Variants in FHIT observed in about 807,000 individuals in gnomAD.
FHIT encodes bis(5'-adenosyl)-triphosphatase.
In FHIT, 19 loss-of-function variants were observed where a neutral mutation model predicts 17.9. The observed-to-expected ratio is 1.06, with a 90% CI of 0.74 to 1.56. FHIT has a LOEUF of 1.56. Ranked by LOEUF, FHIT falls within the 40% of genes most tolerant of loss-of-function variation. The pLI is 0.00. For missense variants in FHIT, 248 were observed against 189.2 expected (o/e 1.31, Z -1.82); for synonymous variants, 81 against 69.7 (o/e 1.16, Z -0.81).
chr3:61,206,541 G>A (rs1295424201), intron 1 of FHIT, among the ~76,000 whole-genome samples: 1 of 152,136 alleles, frequency 6.6e-6, no homozygotes, highest in Non-Finnish European at 1.5e-5. Context: ...CCCCTCCCTT[G>A]TAAGATGGAT....
chr3:60,842,398 C>A (rs1702751553), intron 3 of FHIT, among the ~76,000 whole-genome samples: 1 of 151,412 alleles, frequency 6.6e-6, no homozygotes, highest in Non-Finnish European at 1.5e-5. Flanking sequence ...GCCCAAATGA[C>A]ACCCTAAAAC....
intron 3 of FHIT, among the ~76,000 whole-genome samples, chr3:60,994,040 A>T (rs2030471617): frequency 6.6e-6 from 1 of 152,242 alleles, no homozygotes; most frequent in Admixed American, 6.5e-5. Flanking sequence ...ATAAAATATG[A>T]TTCTTTAATA....
chr3:59,824,363 C>G (rs1700903140), intron 8 of FHIT, among the ~76,000 whole-genome samples: 1 of 152,242 alleles, frequency 6.6e-6, no homozygotes, highest in Non-Finnish European at 1.5e-5. Flanking sequence ...GCGTATCTTA[C>G]ATGCACTGGC....
At chr3:60,518,531 G>A (rs2035242240) in intron 5 of FHIT, among the ~76,000 whole-genome samples, 1 of 152,128 alleles carries the variant, frequency 6.6e-6, no homozygotes, top group Admixed American at 6.5e-5. Context: ...ACTTCCGAAT[G>A]TTCATCCATT....
chr3:60,495,109 T>C (rs1314218432), intron 5 of FHIT, among the ~76,000 whole-genome samples: 1 of 152,200 alleles, frequency 6.6e-6, no homozygotes, highest in East Asian at 1.9e-4. Context: ...AGGGTTCCCT[T>C]TTCTCTACAT....
chr3:60,008,863 T>C (rs1336201852), intron 7 of FHIT, among the ~76,000 whole-genome samples: 1 of 152,214 alleles, frequency 6.6e-6, no homozygotes, highest in Non-Finnish European at 1.5e-5. Context: ...CCAGGGGTCA[T>C]AATTATGTGG....
At chr3:60,793,608 A>T (rs1700866920) in intron 4 of FHIT, among the ~76,000 whole-genome samples, 1 of 152,172 alleles carries the variant, frequency 6.6e-6, no homozygotes, top group Admixed American at 6.5e-5. Context: ...CAGACAAACA[A>T]GCGGGGGTTT....
intron 5 of FHIT, among the ~76,000 whole-genome samples, chr3:60,036,764 G>A (rs1255746117): frequency 6.6e-6 from 1 of 151,772 alleles, no homozygotes; most frequent in South Asian, 2.1e-4. Flanking sequence ...CAGTCAACAG[G>A]TTTTGTTTGT....
intron 7 of FHIT, among the ~76,000 whole-genome samples, chr3:59,973,793 C>T (rs951822022): frequency 2.6e-5 from 4 of 151,998 alleles, no homozygotes; most frequent in South Asian, 4.1e-4. Flanking sequence ...CATTTTTCTT[C>T]TCAGCCCACT....
intron 5 of FHIT, among the ~76,000 whole-genome samples, chr3:60,053,187 G>C (rs1412131166): frequency 2.0e-5 from 3 of 151,520 alleles, no homozygotes; most frequent in Non-Finnish European, 2.9e-5. Context: ...TCAAATACCA[G>C]TTTAGATGTC....
intron 4 of FHIT, among the ~76,000 whole-genome samples, chr3:60,604,169 G>T (rs1287204308): frequency 6.6e-6 from 1 of 152,128 alleles, no homozygotes; most frequent in Admixed American, 6.5e-5. Context: ...TTAGTACAGT[G>T]AGAGAAAGTG....
At chr3:60,213,463 A>G (rs142597625) in intron 5 of FHIT, among the ~76,000 whole-genome samples, 170 of 152,354 alleles carry the variant, frequency 1.1e-3, no homozygotes, top group African/African-American at 3.7e-3. Flanking sequence ...TGTGATTCAG[A>G]CATTGGACAG....
intron 5 of FHIT, among the ~76,000 whole-genome samples, chr3:60,068,051 C>T (rs1473720983): frequency 2.0e-5 from 3 of 151,990 alleles, no homozygotes; most frequent in African/African-American, 4.8e-5. Flanking sequence ...GCCTGGTCAA[C>T]GTGGTGAAAC....
In FHIT at chr3:60,940,742, A is replaced by G. The variant is rs72891209; in HGVS notation, c.-111+101305T>C. On this transcript the variant is annotated intron_variant, in intron 3 of 9. Transcript: ENST00000492590. ...TTTCCTATAATAAGCATAGTGGTTAAAATGCTCTGGAAGTTATGAATGGTT... is the reference window on the plus strand; with the variant it reads ...TTTCCTATAATAAGCATAGTGGTTAGAATGCTCTGGAAGTTATGAATGGTT... Among the ~76,000 whole-genome samples, 643 of 152,334 alleles carry G rather than the reference A, an allele frequency of 4.2e-3. 4 individuals carry two copies. Among genetic ancestry groups the G allele is most frequent in the African/African-American group, 0.015 (610 of 41,570 alleles).
intron 4 of FHIT, among the ~76,000 whole-genome samples, chr3:60,543,171 A>C (rs764607686): frequency 1.3e-5 from 2 of 152,234 alleles, no homozygotes; most frequent in African/African-American, 2.4e-5. Flanking sequence ...CAACTTTGTC[A>C]TGGCAGCATG....
chr3:60,464,944 C>T (rs2032700690), intron 5 of FHIT, among the ~76,000 whole-genome samples: 1 of 152,144 alleles, frequency 6.6e-6, no homozygotes, highest in South Asian at 2.1e-4. Context: ...CTGTCCTCCA[C>T]AGTGGTTGTA....
chr3:60,468,350 T>A (rs9836506), intron 5 of FHIT, among the ~76,000 whole-genome samples: 1 of 152,052 alleles, frequency 6.6e-6, no homozygotes. Flanking sequence ...TGTTTTCTGG[T>A]TGTTTTGTAG....
intron 8 of FHIT, among the ~76,000 whole-genome samples, chr3:59,776,560 G>A (rs1702328898): frequency 6.6e-6 from 1 of 152,126 alleles, no homozygotes; most frequent in Non-Finnish European, 1.5e-5. Context: ...AAAGGGGAGA[G>A]ACTCCTCGGG....
intron 4 of FHIT, among the ~76,000 whole-genome samples, chr3:60,642,922 G>A (rs543851869): frequency 6.6e-6 from 1 of 152,286 alleles, no homozygotes; most frequent in East Asian, 1.9e-4. Flanking sequence ...GTTCACTAAT[G>A]AGGTCAAAGC....
Sources: gnomAD v4.1 joint callset for allele counts (sites outside exome capture counted in the v4.1 genomes callset) on GRCh38, gnomAD v4.1.1 for gene constraint, MANE v1.5 for transcripts, NCBI Gene and HGNC (gene_info 2026-07-23, HGNC 2026-07-21) for gene names.